TEX9: variants seen among roughly 807,000 people sequenced by gnomAD.
TEX9 encodes testis-expressed protein 9.
Under a neutral mutation model 59.6 loss-of-function variants are expected in TEX9, and 74 were observed. That is an observed-to-expected ratio of 1.24 (90% confidence interval 1.03 to 1.51). The LOEUF (loss-of-function observed/expected upper bound fraction) is 1.51. Among genes scored for constraint, TEX9 ranks in the 40% most tolerant of loss-of-function variants. TEX9 has a pLI of 0.00. For synonymous variants in TEX9, 186 were observed against 152.2 expected (o/e 1.22, Z -1.64); for missense variants, 522 against 447.8 (o/e 1.17, Z -1.49).
Position 56,415,975 on chromosome 15 carries a change from C to A in TEX9, c.963+3539C>A, listed in dbSNP as rs539462785. ...CTGGTTAGCTGTATTCCTAGGTATT[C>A]TTTTTGTGGCAAGTGGGGATGGGAT... On this transcript the variant is annotated intron_variant, in intron 10 of 12. Transcript: ENST00000352903. Among the ~76,000 whole-genome samples the A allele has an allele frequency of 5.3e-5, 8 of 151,486 alleles. No individual in the cohort carries two copies. In the South Asian group the frequency reaches 1.3e-3, roughly 24 times the overall value.
At chr15:56,428,928 G>T in intron 12 of TEX9, 1 of 541,324 alleles carries the variant, frequency 1.8e-6, no homozygotes, top group Non-Finnish European at 3.2e-6. Context: ...ATAACAGCTT[G>T]ATTAAAATTA....
At chr15:56,309,695 T>G (rs1395317811) in intron 1 of TEX9, among the ~76,000 whole-genome samples, 1 of 21,862 alleles carries the variant, frequency 4.6e-5, no homozygotes, top group South Asian at 1.2e-3. Flanking sequence ...TATGGGAAGT[T>G]TTTTTTTTTT....
At chr15:56,403,463 T>C (rs1433772421) in intron 9 of TEX9, among the ~76,000 whole-genome samples, 1 of 152,218 alleles carries the variant, frequency 6.6e-6, no homozygotes, top group Non-Finnish European at 1.5e-5. Context: ...TGCAAACCAC[T>C]GCTCAATGAA....
At chr15:56,244,766 C>T (rs1452998244) in intron 1 of TEX9, among the ~76,000 whole-genome samples, 1 of 152,128 alleles carries the variant, frequency 6.6e-6, no homozygotes, top group African/African-American at 2.4e-5. Flanking sequence ...CCACGAGCTC[C>T]TTCCTTTGGA....
chr15:56,427,293 A>ATC (rs67874373), intron 10 of TEX9, among the ~76,000 whole-genome samples: 208 of 7,356 alleles, frequency 0.028, no homozygotes, highest in Non-Finnish European at 0.17. Flanking sequence ...CGTTTTTAAA[A>ATC]TGTTTTCAAA....
chr15:56,443,204 A>G (rs1220228164), intron 12 of TEX9, among the ~76,000 whole-genome samples: 1 of 152,182 alleles, frequency 6.6e-6, no homozygotes, highest in Non-Finnish European at 1.5e-5. Context: ...AATTGTGATT[A>G]CAGACAACAT....
Position 56,269,069 on chromosome 15 carries a change from A to G in TEX9, c.-107+24791A>G, listed in dbSNP as rs557971319. 6.6e-5 allele frequency among the ~76,000 whole-genome samples: 10 copies of G among 152,158 alleles called. No individual in the cohort carries two copies. In the South Asian group the frequency reaches 1.9e-3, roughly 28 times the overall value. ...TTAGTCTTGGGAGGGTGTGTGTGTC[A>G]AGGAATTTATCCATTTCTTCTAGAT... On this transcript the variant is annotated intron_variant, in intron 1 of 5. Coordinates refer to the TEX9 transcript ENST00000560827.
At chr15:56,244,567 C>T (rs561253839) in intron 1 of TEX9, among the ~76,000 whole-genome samples, 3 of 151,424 alleles carry the variant, frequency 2.0e-5, no homozygotes, top group East Asian at 4.0e-4. Flanking sequence ...ATGCTGTTCC[C>T]CTCCACCTCC....
intron 12 of TEX9, among the ~76,000 whole-genome samples, chr15:56,441,310 G>A (rs1291707850): frequency 6.6e-6 from 1 of 151,774 alleles, no homozygotes; most frequent in Non-Finnish European, 1.5e-5. Context: ...CCTAGAATAT[G>A]ATCTATCTCG....
chr15:56,402,143 G>C (rs2048820685), intron 9 of TEX9, among the ~76,000 whole-genome samples: 1 of 152,190 alleles, frequency 6.6e-6, no homozygotes, highest in South Asian at 2.1e-4. Flanking sequence ...GAGCAGAACT[G>C]AAGGAGATAG....
chr15:56,266,564 AGAACAC>A (rs1278404672), intron 1 of TEX9, among the ~76,000 whole-genome samples: 2 of 146,058 alleles, frequency 1.4e-5, no homozygotes, highest in Non-Finnish European at 3.0e-5. Context: ...CCTATGAGTG[AGAACAC>A]GCAGTGTTTG....
chr15:56,428,892 C>G, intron 12 of TEX9: 2 of 498,890 alleles, frequency 4.0e-6, no homozygotes, highest in South Asian at 5.4e-5. Context: ...TTGTAGAAAT[C>G]GGATTTTGAA....
chr15:56,353,770 T>C (rs552444032), intron 1 of TEX9, among the ~76,000 whole-genome samples: 31 of 152,320 alleles, frequency 2.0e-4, no homozygotes, highest in African/African-American at 7.5e-4. Context: ...AAAAGAAATA[T>C]GCAACTATCC....
In TEX9 at chr15:56,313,707, T is replaced by C. The variant is rs1485679557; in HGVS notation, c.-106-59734T>C. Among the ~76,000 whole-genome samples, 1,222 of 143,006 alleles carry C rather than the reference T, an allele frequency of 8.5e-3. 21 individuals carry two copies. The highest frequency in any genetic ancestry group is 0.029 in the African/African-American group (1,145 of 39,408). 93.8% of individuals were successfully genotyped at this position (143,006 alleles called of 152,430 possible). A position where few individuals can be genotyped will look rare whatever the true frequency, so the allele number is the denominator to read the frequency against. ...TTCCCTCTTTTTCTATTGATTGGAA[T>C]AGTTTTAGAAGGAATGGTACCAGTT... On this transcript the variant is annotated intron_variant, in intron 1 of 5. Transcript: ENST00000560827.
chr15:56,454,969 A>G, the TEX9 span, among the ~76,000 whole-genome samples: 1 of 152,132 alleles, frequency 6.6e-6, no homozygotes, highest in Non-Finnish European at 1.5e-5. Flanking sequence ...GCTGTTGAAC[A>G]TACTGCCATA....
At chr15:56,435,449 T>C (rs1288736056) in intron 12 of TEX9, among the ~76,000 whole-genome samples, 2 of 151,260 alleles carry the variant, frequency 1.3e-5, no homozygotes, top group Non-Finnish European at 3.0e-5. Flanking sequence ...AAAAAATGAA[T>C]GAATAAACAA....
At chr15:56,259,058 T>A (rs1406690898) in intron 1 of TEX9, among the ~76,000 whole-genome samples, 1 of 151,986 alleles carries the variant, frequency 6.6e-6, no homozygotes, top group Non-Finnish European at 1.5e-5. Flanking sequence ...GAACTTGAAT[T>A]AATCCATCTT....
At position 56,427,612 on chromosome 15, in the gene TEX9, C is replaced by A. The variant is rs369558112; in HGVS notation, c.971C>A (p.Ala324Glu). The change falls in exon 11 of 13, where the codon GCA (alanine) becomes GAA (glutamate). Residue 324 changes from alanine to glutamate, a missense_variant. Physicochemically the swap from Ala to Glu is moderately radical, Grantham distance 107. Coordinates refer to ENST00000352903, the Ensembl canonical transcript of TEX9. ...TTTTTTTTCCTTGTGTAGGACATAG[C>A]AAATGAAGAACACAAAAAAATTGAA... The A allele has an allele frequency of 2.0e-5, 30 of 1,522,024 alleles. 1 individual carries two copies. Among genetic ancestry groups the A allele is most frequent in the Admixed American group, 6.9e-5 (3 of 43,576 alleles). The allele number at this position is 1,522,024 out of a possible 1,614,324, so 94.3% of individuals were successfully genotyped here. A position where few individuals can be genotyped will look rare whatever the true frequency, so the allele number is the denominator to read the frequency against.
chr15:56,258,613 T>A (rs1051246954), intron 1 of TEX9, among the ~76,000 whole-genome samples: 20 of 152,082 alleles, frequency 1.3e-4, no homozygotes, highest in African/African-American at 4.1e-4. Flanking sequence ...TTAGGAATGC[T>A]AGCGATTTTT....
Sources: gnomAD v4.1 joint callset for allele counts (sites outside exome capture counted in the v4.1 genomes callset) on GRCh38, gnomAD v4.1.1 for gene constraint, MANE v1.5 for transcripts, NCBI Gene and HGNC (gene_info 2026-07-23, HGNC 2026-07-21) for gene names.